The following AKAP6 variants were observed in gnomAD, a reference collection of about 807,000 sequenced individuals.
AKAP6 encodes A-kinase anchor protein 6.
AKAP6 carries 58 observed loss-of-function variants against 188.5 expected under a neutral mutation model. The observed-to-expected ratio is 0.31, with a 90% CI of 0.25 to 0.38. The LOEUF (loss-of-function observed/expected upper bound fraction) is 0.38. Among genes scored for constraint, AKAP6 ranks in the 10% least tolerant of loss-of-function variants. The pLI is 1.00. For missense variants in AKAP6, 2,710 were observed against 2,740.0 expected (o/e 0.99, Z 0.24); for synonymous variants, 989 against 998.6 (o/e 0.99, Z 0.18).
Position 32,831,418 on chromosome 14 carries a change from A to C in AKAP6, c.*1613A>C, listed in dbSNP as rs990225362. The C allele has an allele frequency of 6.6e-6, 1 of 152,240 alleles. No individual in the cohort carries two copies. The highest frequency in any genetic ancestry group is 2.4e-5 in the African/African-American group (1 of 41,464). The allele number at this position is 152,240 out of a possible 1,614,324, so 9.4% of individuals were successfully genotyped here. A position where few individuals can be genotyped will look rare whatever the true frequency, so the allele number is the denominator to read the frequency against. ...CACTAAAACATGGACACAACTAGAA[A>C]GAGGTACAATGCAATATAAAGTCAC... On this transcript the variant is annotated 3_prime_UTR_variant, in exon 14 of 14. Coordinates refer to ENST00000280979, the MANE Select transcript of AKAP6 (RefSeq NM_004274.5).
chr14:32,370,724 A>G (rs552423316), intron 1 of AKAP6, among the ~76,000 whole-genome samples: 26 of 152,240 alleles, frequency 1.7e-4, no homozygotes, highest in African/African-American at 6.0e-4. Flanking sequence ...CATTACTGTT[A>G]TGAAGGCTCT....
intron 2 of AKAP6, among the ~76,000 whole-genome samples, chr14:32,458,346 G>A (rs1420083362): frequency 1.3e-5 from 2 of 151,938 alleles, no homozygotes. Context: ...TTTTTCTTCA[G>A]TAAAGTAAGG....
At chr14:32,368,952 G>C (rs942365566) in intron 1 of AKAP6, among the ~76,000 whole-genome samples, 4 of 152,016 alleles carry the variant, frequency 2.6e-5, no homozygotes, top group African/African-American at 9.7e-5. Context: ...AGTGTTAAGT[G>C]GGGGAGTGAT....
rs1224801574 is a variant in AKAP6, at chr14:32,830,412, G to A, written c.*607G>A. On this transcript the variant is annotated 3_prime_UTR_variant, in exon 14 of 14. Coordinates refer to ENST00000280979, the MANE Select transcript of AKAP6 (RefSeq NM_004274.5). Reference sequence around the variant, plus strand: ...TTATTTCATTTAAAAAATAATCTATGCAGCATTTCAAGAAACAACCATATG... The same window carrying A: ...TTATTTCATTTAAAAAATAATCTATACAGCATTTCAAGAAACAACCATATG... The A allele has an allele frequency of 6.5e-6, 1 of 154,460 alleles. No individual in the cohort carries two copies. Among genetic ancestry groups the A allele is most frequent in the African/African-American group, 2.4e-5 (1 of 41,472 alleles). 9.6% of individuals were successfully genotyped at this position (154,460 alleles called of 1,614,324 possible). A position where few individuals can be genotyped will look rare whatever the true frequency, so the allele number is the denominator to read the frequency against.
chr14:32,450,714 T>G (rs367948731), intron 2 of AKAP6, among the ~76,000 whole-genome samples: 28 of 152,278 alleles, frequency 1.8e-4, no homozygotes, highest in African/African-American at 6.7e-4. Context: ...ATTAAGAGAT[T>G]TATACTGCAA....
At chr14:32,461,822 T>C (rs1319507874) in intron 2 of AKAP6, among the ~76,000 whole-genome samples, 2 of 152,010 alleles carry the variant, frequency 1.3e-5, no homozygotes, top group African/African-American at 4.8e-5. Flanking sequence ...GCAAGGAAGC[T>C]AAGAACCTTG....
At chr14:32,572,323 T>G (rs955592970) in intron 4 of AKAP6, among the ~76,000 whole-genome samples, 1 of 152,262 alleles carries the variant, frequency 6.6e-6, no homozygotes, top group African/African-American at 2.4e-5. Context: ...CCATTTCCTC[T>G]TGTAGAGACA....
intron 2 of AKAP6, among the ~76,000 whole-genome samples, chr14:32,491,405 A>G (rs1880004768): frequency 6.6e-6 from 1 of 152,232 alleles, no homozygotes; most frequent in African/African-American, 2.4e-5. Context: ...AAACAAGGAA[A>G]GATCTCTCTA....
intron 12 of AKAP6, among the ~76,000 whole-genome samples, chr14:32,786,452 C>T (rs1156705480): frequency 1.5e-4 from 23 of 150,348 alleles, no homozygotes; most frequent in Admixed American, 1.5e-3. Context: ...GGACTACAGG[C>T]GCCCACCACC....
intron 10 of AKAP6, among the ~76,000 whole-genome samples, chr14:32,735,284 CT>C (rs1360058887): frequency 8.6e-5 from 13 of 152,030 alleles, no homozygotes; most frequent in Non-Finnish European, 1.8e-4. Context: ...CTATAAACTC[CT>C]ATCATGATAA....
At chr14:32,500,271 T>C (rs1390247503) in intron 2 of AKAP6, among the ~76,000 whole-genome samples, 1 of 152,180 alleles carries the variant, frequency 6.6e-6, no homozygotes, top group Non-Finnish European at 1.5e-5. Context: ...TGTAGAGAAG[T>C]AGTTACCCAC....
chr14:32,362,438 G>C (rs1039614365), intron 1 of AKAP6, among the ~76,000 whole-genome samples: 2 of 152,110 alleles, frequency 1.3e-5, no homozygotes, highest in African/African-American at 4.8e-5. Context: ...TGTCAGACTC[G>C]GGAAAAGCTT....
At chr14:32,415,828 C>T (rs1226929279) in intron 1 of AKAP6, among the ~76,000 whole-genome samples, 1 of 152,096 alleles carries the variant, frequency 6.6e-6, no homozygotes, top group African/African-American at 2.4e-5. Flanking sequence ...AGCATAATGT[C>T]CTCAAGGTTC....
At chr14:32,724,797 G>A (rs1197395656) in intron 9 of AKAP6, among the ~76,000 whole-genome samples, 2 of 151,658 alleles carry the variant, frequency 1.3e-5, no homozygotes, top group Non-Finnish European at 2.9e-5. Flanking sequence ...GAGAGCACAC[G>A]GGATATTTCT....
chr14:32,518,171 T>G (rs1881621160), intron 2 of AKAP6, among the ~76,000 whole-genome samples: 1 of 152,070 alleles, frequency 6.6e-6, no homozygotes, highest in African/African-American at 2.4e-5. Flanking sequence ...AAAGGACATC[T>G]ACACCAAAAC....
At chr14:32,660,856 T>A (rs1299481875) in intron 7 of AKAP6, among the ~76,000 whole-genome samples, 2 of 151,854 alleles carry the variant, frequency 1.3e-5, no homozygotes, top group African/African-American at 4.8e-5. Context: ...TTATGGCTTT[T>A]CTGGGACCTA....
At chr14:32,387,519 ATTG>A (rs1212997423) in intron 1 of AKAP6, among the ~76,000 whole-genome samples, 1 of 147,798 alleles carries the variant, frequency 6.8e-6, no homozygotes, top group Non-Finnish European at 1.5e-5. Context: ...TAATATATGT[ATTG>A]TTTATTATTT....
chr14:32,521,215 C>T lies in AKAP6; in HGVS notation c.325-14339C>T, dbSNP rs28834510. Among the ~76,000 whole-genome samples, 1,432 of 152,218 alleles carry T rather than the reference C, an allele frequency of 9.4e-3. 21 individuals carry two copies. Among genetic ancestry groups the T allele is most frequent in the African/African-American group, 0.03 (1,241 of 41,536 alleles). ...AATAATAAGAGCTATTTATGATAAA[C>T]TCACAGCCAATATCATACTGAATGG... is the stretch of plus-strand genomic sequence containing the variant. On this transcript the variant is annotated intron_variant, in intron 2 of 13. Coordinates refer to ENST00000280979, the MANE Select transcript of AKAP6 (RefSeq NM_004274.5).
chr14:32,801,634 C>A (rs2300848), intron 12 of AKAP6, among the ~76,000 whole-genome samples: 106,270 of 152,028 alleles, frequency 0.7, 37,197 homozygotes, highest in Admixed American at 0.75. Flanking sequence ...TTTCTTACCT[C>A]TGTTATTTCC....
Sources: gnomAD v4.1 joint callset for allele counts (sites outside exome capture counted in the v4.1 genomes callset) on GRCh38, gnomAD v4.1.1 for gene constraint, MANE v1.5 for transcripts, NCBI Gene and HGNC (gene_info 2026-07-23, HGNC 2026-07-21) for gene names.